The following CTBP2 variants were observed in gnomAD, a reference collection of about 807,000 sequenced individuals.
CTBP2 encodes the protein C-terminal-binding protein 2.
A neutral mutation model predicts 80.3 loss-of-function variants in CTBP2; 30 were observed. The ratio of observed to expected loss-of-function variants is 0.37; its 90% CI spans 0.28 to 0.51. The LOEUF (loss-of-function observed/expected upper bound fraction) is 0.51, where lower values mean the gene tolerates loss of function less well. CTBP2 is among the 20% of genes least tolerant of loss of function. The pLI, the probability that CTBP2 is intolerant of heterozygous loss-of-function variation, is 0.93. For missense variants in CTBP2, 1,212 were observed against 1,375.3 expected (o/e 0.88, Z 1.88); for synonymous variants, 594 against 587.4 (o/e 1.01, Z -0.16).
chr10:125,092,173 ATTC>A (rs1208194279), intron 2 of CTBP2, among the ~76,000 whole-genome samples: 3 of 108,802 alleles, frequency 2.8e-5, no homozygotes, highest in Non-Finnish European at 3.7e-5. Context: ...TTGTCTGAAG[ATTC>A]TTTTTTTTTT....
chr10:125,032,037 A>C (rs543307199), upstream of CTBP2, among the ~76,000 whole-genome samples: 2 of 151,954 alleles, frequency 1.3e-5, no homozygotes, highest in Non-Finnish European at 2.9e-5. Context: ...TAGACCACTC[A>C]TTATGGGGTT....
chr10:125,000,559 G>C (rs1253640045), intron 3 of CTBP2: 1 of 152,234 alleles, frequency 6.6e-6, no homozygotes, highest in Non-Finnish European at 1.5e-5. Context: ...GGGCCCTCTC[G>C]AGGTCTTCCC....
chr10:125,159,239 C>T (rs1861497276), intron 1 of CTBP2, among the ~76,000 whole-genome samples: 1 of 150,420 alleles, frequency 6.6e-6, no homozygotes. Context: ...CGGGGCGCGC[C>T]CTAGCCAGCC....
chr10:125,152,205 C>A (rs1220595048), intron 1 of CTBP2, among the ~76,000 whole-genome samples: 2 of 152,114 alleles, frequency 1.3e-5, no homozygotes, highest in African/African-American at 4.8e-5. Context: ...GGGGGCTTCA[C>A]CTGGGGCTCG....
At position 125,051,207 on chromosome 10, in the gene CTBP2, C is replaced by T. The variant is rs77536896; in HGVS notation, c.-101-12052G>A. On this transcript the variant is annotated intron_variant, in intron 2 of 10. Transcript: ENST00000337195. ...CCCAAGTTTATGTCCCCACCCCAGA[C>T]ACCATTCGAAAACGGTACATGGAGA... 1.5e-3 allele frequency among the ~76,000 whole-genome samples: 221 copies of T among 152,326 alleles called. 3 individuals carry two copies. The East Asian group carries it at 0.041, about 28-fold the overall frequency.
intron 2 of CTBP2, among the ~76,000 whole-genome samples, chr10:125,091,006 G>T (rs575140169): frequency 6.6e-6 from 1 of 152,270 alleles, no homozygotes; most frequent in South Asian, 2.1e-4. Context: ...GCTACCAAAG[G>T]CAGAGGCAGG....
intron 8 of CTBP2, 129 bp downstream of exon 10, chr10:124,992,566 G>GA: frequency 1.6e-6 from 1 of 622,478 alleles, no homozygotes; most frequent in Non-Finnish European, 2.9e-6. Flanking sequence ...TTCCTGCTGA[G>GA]AAGGCTGATT....
intron 3 of CTBP2, among the ~76,000 whole-genome samples, chr10:125,036,830 A>AACTGCCT (rs1825327008): frequency 6.6e-6 from 1 of 151,962 alleles, no homozygotes; most frequent in African/African-American, 2.4e-5. Flanking sequence ...CCTGGGTGCA[A>AACTGCCT]ACTGCCTACT....
chr10:125,076,899 G>C (rs987941552), intron 2 of CTBP2, among the ~76,000 whole-genome samples: 5 of 152,096 alleles, frequency 3.3e-5, no homozygotes, highest in African/African-American at 1.2e-4. Context: ...CCCTTTAAAT[G>C]GTCATTTCTG....
intron 2 of CTBP2, among the ~76,000 whole-genome samples, chr10:125,078,051 C>T (rs1053140961): frequency 3.3e-5 from 5 of 151,934 alleles, no homozygotes; most frequent in African/African-American, 9.7e-5. Context: ...GAGGCCAAGA[C>T]GGGCAGATCA....
intron 2 of CTBP2, among the ~76,000 whole-genome samples, chr10:125,059,110 C>T (rs1168030089): frequency 6.6e-6 from 1 of 152,040 alleles, no homozygotes; most frequent in East Asian, 1.9e-4. Flanking sequence ...CTTTTGTCTC[C>T]TTTGCTGGTG....
chr10:125,036,669 GTGTGTGTGTGT>G (rs1387006234), intron 3 of CTBP2, among the ~76,000 whole-genome samples: 9 of 4,980 alleles, frequency 1.8e-3, no homozygotes, highest in African/African-American at 7.7e-3. Context: ...GCTAGAGGGG[GTGTGTGTGTGT>G]GTGTGTGTGT....
chr10:125,029,245 GTTT>G (rs34949118), upstream of CTBP2, among the ~76,000 whole-genome samples: 4 of 137,822 alleles, frequency 2.9e-5, no homozygotes, highest in South Asian at 2.3e-4. Context: ...TTGAGACACA[GTTT>G]TTTTTTTTTT....
chr10:124,988,267 A>G lies in CTBP2; in HGVS notation c.*1251T>C, dbSNP rs917212472. Reference sequence around the variant, plus strand: ...TGGAAATTGGCTAATTGACAATGCAATTGCCTTAAACATCTCAAGTAGAGA... The same window carrying G: ...TGGAAATTGGCTAATTGACAATGCAGTTGCCTTAAACATCTCAAGTAGAGA... On this transcript the variant is annotated 3_prime_UTR_variant, in exon 9 of 9. Transcript: ENST00000309035. 7 of 152,660 alleles carry G rather than the reference A, an allele frequency of 4.6e-5. No homozygotes were observed. The highest frequency in any genetic ancestry group is 2.0e-4 in the Admixed American group (3 of 15,284). 9.5% of individuals were successfully genotyped at this position (152,660 alleles called of 1,614,324 possible).
chr10:125,112,190 G>A (rs1245918248), intron 1 of CTBP2, among the ~76,000 whole-genome samples: 1 of 144,752 alleles, frequency 6.9e-6, no homozygotes, highest in Non-Finnish European at 1.5e-5. Flanking sequence ...TCGGCTCACT[G>A]CAAGCTCCGC....
chr10:125,106,687 C>T (rs530948294), intron 2 of CTBP2, among the ~76,000 whole-genome samples: 2 of 152,354 alleles, frequency 1.3e-5, no homozygotes, highest in South Asian at 2.1e-4. Context: ...ACCCCTCCAG[C>T]GAAGGAGCAA....
At chr10:125,098,756 G>GACAA (rs140018147) in intron 2 of CTBP2, among the ~76,000 whole-genome samples, 51 of 123,730 alleles carry the variant, frequency 4.1e-4, no homozygotes, top group Non-Finnish European at 7.9e-4. Flanking sequence ...GAGACAGAGA[G>GACAA]AGAGAGAGAG....
intron 3 of CTBP2, among the ~76,000 whole-genome samples, chr10:125,033,924 G>A (rs1227197458): frequency 6.6e-6 from 1 of 152,116 alleles, no homozygotes; most frequent in Non-Finnish European, 1.5e-5. Context: ...ACTGTGGTAG[G>A]GGCAGGAGCT....
intron 2 of CTBP2, among the ~76,000 whole-genome samples, chr10:125,056,602 C>T (rs974619286): frequency 1.3e-5 from 2 of 152,228 alleles, no homozygotes; most frequent in East Asian, 1.9e-4. Context: ...TCTAGTCACC[C>T]GCCAGCCCCA....
Sources: allele counts gnomAD v4.1 joint callset (sites outside exome capture counted in the v4.1 genomes callset), GRCh38; gene constraint gnomAD v4.1.1; transcripts MANE v1.5; gene names NCBI Gene and HGNC (gene_info 2026-07-23, HGNC 2026-07-21).